ANXA6: variants seen among roughly 807,000 people sequenced by gnomAD.
ANXA6 encodes 67 kDa calelectrin.
A neutral mutation model predicts 95.4 loss-of-function variants in ANXA6; 71 were observed. The ratio of observed to expected loss-of-function variants is 0.74; its 90% confidence interval spans 0.61 to 0.91. The LOEUF (loss-of-function observed/expected upper bound fraction) is 0.91. ANXA6 is among the 40% of genes least tolerant of loss of function. ANXA6 has a pLI of 0.00. For missense variants in ANXA6, 830 were observed against 876.4 expected, an observed-to-expected ratio of 0.95 and a Z score of 0.67; for synonymous variants, 289 against 315.9, an observed-to-expected ratio of 0.91 and a Z score of 0.90.
intron 7 of ANXA6, among the ~76,000 whole-genome samples, chr5:151,134,786 T>C (rs538806239): frequency 6.6e-6 from 1 of 152,200 alleles, no homozygotes; most frequent in African/African-American, 2.4e-5. Flanking sequence ...TGAGGACCTC[T>C]CTGAGGACAG....
intron 20 of ANXA6, among the ~76,000 whole-genome samples, chr5:151,114,386 C>A (rs1055993095): frequency 6.6e-6 from 1 of 151,590 alleles, no homozygotes. Context: ...CTGAGGCGGG[C>A]GGATCACTTG....
chr5:151,116,113 G>C (rs1055663414), intron 20 of ANXA6, among the ~76,000 whole-genome samples: 2 of 152,182 alleles, frequency 1.3e-5, no homozygotes, highest in Admixed American at 1.3e-4. Context: ...TAACTGTCAG[G>C]TTCCAGCTAA....
rs770161460 is a variant in ANXA6 at position 151,139,339 on chromosome 5, G to A, written c.204+14C>T. The stretch of plus-strand genomic sequence containing the variant: ...CCACCCGCACCCCATGGGCCCTCCG[G>A]TTGCTGTGGTTACCTTGCCGTAGAG... On this transcript the variant is annotated intron_variant, in intron 4 of 25. Transcript: ENST00000354546. 1.3e-6 allele frequency: 2 copies of A among 1,593,188 alleles called. No homozygotes were observed. Among genetic ancestry groups the A allele is most frequent in the Non-Finnish European group, 1.7e-6 (2 of 1,165,340 alleles).
At position 151,123,127 on chromosome 5, in the gene ANXA6, G is replaced by A. The variant is rs1220582509; in HGVS notation, c.1139-116C>T. The A allele has an allele frequency of 2.9e-5, 26 of 887,708 alleles. No homozygotes were observed. In the Middle Eastern group the frequency reaches 6.6e-4, roughly 22 times the overall value. The allele number at this position is 887,708 out of a possible 1,614,324, so 55.0% of individuals were successfully genotyped here. On this transcript the variant is annotated intron_variant, in intron 15 of 25. Coordinates refer to ENST00000354546, the MANE Select transcript of ANXA6 (RefSeq NM_001155.5). ...TGTCAGGGTAGAAGCCTGGCTAAGC[G>A]GCCATGTGCTCCTGAGTCCCTGCAG...
At chr5:151,136,968 T>C (rs1765681011) in intron 6 of ANXA6, among the ~76,000 whole-genome samples, 1 of 152,260 alleles carries the variant, frequency 6.6e-6, no homozygotes, top group African/African-American at 2.4e-5. Context: ...TGTGTTTATC[T>C]GTTCACCTGT....
At chr5:151,107,920 G>A (rs1339166103) in intron 23 of ANXA6, among the ~76,000 whole-genome samples, 1 of 152,096 alleles carries the variant, frequency 6.6e-6, no homozygotes, top group Non-Finnish European at 1.5e-5. Flanking sequence ...CGTATATGTG[G>A]TGTGCATGGG....
At chr5:151,143,631 C>G (rs965753776) in intron 2 of ANXA6, among the ~76,000 whole-genome samples, 1 of 151,984 alleles carries the variant, frequency 6.6e-6, no homozygotes, top group Admixed American at 6.6e-5. Context: ...GTGGCAGATA[C>G]GATGCTAAGG....
intron 20 of ANXA6, among the ~76,000 whole-genome samples, chr5:151,112,054 C>T (rs1164556317): frequency 1.3e-5 from 2 of 152,116 alleles, no homozygotes; most frequent in Non-Finnish European, 2.9e-5. Context: ...CCTCAGCCTC[C>T]CAAAGTGCTG....
chr5:151,102,366 T>C (rs1764573145), intron 25 of ANXA6, among the ~76,000 whole-genome samples: 1 of 152,198 alleles, frequency 6.6e-6, no homozygotes, highest in African/African-American at 2.4e-5. Context: ...CTTTAAGATC[T>C]TGGCTGATCT....
chr5:151,144,352 A>G (rs1307498351), intron 2 of ANXA6, among the ~76,000 whole-genome samples: 2 of 152,222 alleles, frequency 1.3e-5, no homozygotes, highest in African/African-American at 2.4e-5. Context: ...GGTATTTCAT[A>G]CAAATACCTG....
In ANXA6 at chr5:151,136,327, G is replaced by A. The variant is rs748296771; in HGVS notation, c.418C>T (p.Arg140Trp). The change falls in exon 7 of 26, where the codon CGG (arginine) becomes TGG (tryptophan). Residue 140 changes from arginine (R) to tryptophan (W), a missense_variant. Transcript: ENST00000354546. Reference protein sequence around the residue: ...LVAAYKDAYERDLEADIIGDT... With the variant: ...LVAAYKDAYEWDLEADIIGDT... The stretch of plus-strand genomic sequence containing the variant: ...CCGATGATGTCAGCCTCCAGGTCCC[G>A]CTCGTAGGCTGCAGAAAGGAACGCA... 15 of 1,613,812 alleles carry A rather than the reference G, an allele frequency of 9.3e-6. No homozygotes were observed. Among genetic ancestry groups the A allele is most frequent in the Admixed American group, 6.7e-5 (4 of 60,008 alleles).
rs538100867 is a variant in ANXA6 at position 151,106,613 on chromosome 5, T to C, written c.1781-1310A>G. Among the ~76,000 whole-genome samples, 52 of 152,306 alleles carry C rather than the reference T, an allele frequency of 3.4e-4. No homozygotes were observed. The South Asian group carries it at 0.01, about 30-fold the overall frequency. On this transcript the variant is annotated intron_variant, in intron 23 of 25. Transcript: ENST00000354546. ...CCTGTGTCTCTCTGTCCTTCCTGGATAGATGCATTTCCTATCTGCCCTTCA... is the reference window on the plus strand; with the variant it reads ...CCTGTGTCTCTCTGTCCTTCCTGGACAGATGCATTTCCTATCTGCCCTTCA...
chr5:151,126,243 C>CA (rs1455335914), intron 14 of ANXA6, among the ~76,000 whole-genome samples, 159 bp downstream of exon 14: 1 of 152,132 alleles, frequency 6.6e-6, no homozygotes, highest in Non-Finnish European at 1.5e-5. Context: ...GCCCCTCCAC[C>CA]AGTTCACCAC....
chr5:151,122,151 A>G lies in ANXA6; in HGVS notation c.1343T>C (p.Met448Thr). ...HYDAKQLKKA[M>T]EGAGTDEKAL... ...CCCCCTGGTGCCACACTGTACCTCC[A>G]TGGCCTTCTTCAACTGCTTGGCATC... Residue 448 changes from methionine to threonine, a missense_variant, in exon 17 of 26, where the codon ATG becomes ACG. Coordinates refer to ENST00000354546, the MANE Select transcript of ANXA6 (RefSeq NM_001155.5). 1.3e-6 allele frequency: 2 copies of G among 1,591,160 alleles called. No individual in the cohort carries two copies. Among genetic ancestry groups the G allele is most frequent in the South Asian group, 1.2e-5 (1 of 86,868 alleles).
At chr5:151,140,016 A>C (rs891527836) in intron 3 of ANXA6, 137 bp downstream of exon 3, 10 of 576,360 alleles carry the variant, frequency 1.7e-5, no homozygotes, top group Non-Finnish European at 2.7e-5. Flanking sequence ...CATGAAAATT[A>C]ATAAAAAGAG....
chr5:151,103,734 GAT>G, intron 24 of ANXA6, 42 bp from the exon 25 acceptor site: 1 of 1,580,732 alleles, frequency 6.3e-7, no homozygotes, highest in Non-Finnish European at 8.6e-7. Flanking sequence ...CGGAAGGAGA[GAT>G]AGAGCCCAGT....
rs759832716 is a variant in ANXA6 at position 151,133,231 on chromosome 5, G to A, written c.547-44C>T. On this transcript the variant is annotated intron_variant, in intron 8 of 25. Coordinates refer to ENST00000354546, the MANE Select transcript of ANXA6 (RefSeq NM_001155.5). ...CACTTGACTGAAAGAGGAAACCTCA[G>A]GAGACAGGACACACTGACCAAGCCA... is the stretch of plus-strand genomic sequence containing the variant. 3.5e-6 allele frequency: 5 copies of A among 1,435,384 alleles called. No homozygotes were observed. In the African/African-American group the frequency reaches 7.1e-5, roughly 20 times the overall value. The allele number at this position is 1,435,384 out of a possible 1,614,324, so 88.9% of individuals were successfully genotyped here.
chr5:151,154,315 ATATATATATATATATATT>A (rs1453714447), intron 1 of ANXA6, among the ~76,000 whole-genome samples: 295 of 96,146 alleles, frequency 3.1e-3, no homozygotes, highest in African/African-American at 9.0e-3. Flanking sequence ...ATATATATAT[ATATATATATATATATATT>A]GATCCCATAC....
At chr5:151,138,408 G>A (rs1444354302) in intron 5 of ANXA6, among the ~76,000 whole-genome samples, 1 of 152,136 alleles carries the variant, frequency 6.6e-6, no homozygotes, top group East Asian at 1.9e-4. Context: ...TTGGCCTCAG[G>A]AGTGTTGGAC....
Sources: allele counts gnomAD v4.1 joint callset (sites outside exome capture counted in the v4.1 genomes callset), GRCh38; gene constraint gnomAD v4.1.1; transcripts MANE v1.5; gene names NCBI Gene and HGNC (gene_info 2026-07-23, HGNC 2026-07-21).